TCF12: variants seen among roughly 807,000 people sequenced by gnomAD.
TCF12 encodes the protein DNA-binding protein HTF4.
A neutral mutation model predicts 86.0 loss-of-function variants in TCF12; 45 were observed. The ratio of observed to expected loss-of-function variants is 0.52; its 90% CI spans 0.41 to 0.67. The LOEUF is 0.67. TCF12 is among the 30% of genes least tolerant of loss of function. The pLI, the probability that TCF12 is intolerant of heterozygous loss-of-function variation, is 0.00. For synonymous variants in TCF12, 330 were observed against 299.6 expected (o/e 1.10, Z -1.05); for missense variants, 881 against 859.9 (o/e 1.02, Z -0.31).
chr15:57,026,394 G>A (rs1279578688), intron 3 of TCF12, among the ~76,000 whole-genome samples: 2 of 152,148 alleles, frequency 1.3e-5, no homozygotes, highest in Admixed American at 1.3e-4. Flanking sequence ...TGTCTTGAGA[G>A]GCCTAGTGTC....
intron 8 of TCF12, among the ~76,000 whole-genome samples, chr15:57,220,269 T>TTA (rs1732971455): frequency 6.6e-6 from 1 of 152,190 alleles, no homozygotes; most frequent in African/African-American, 2.4e-5. Flanking sequence ...GTATTGAGAA[T>TTA]TATTTGATGC....
intron 3 of TCF12, among the ~76,000 whole-genome samples, chr15:57,020,533 T>C (rs1185677488): frequency 2.0e-5 from 3 of 152,200 alleles, no homozygotes; most frequent in African/African-American, 7.2e-5. Flanking sequence ...TATATTTTGC[T>C]TCAAACATTA....
intron 3 of TCF12, among the ~76,000 whole-genome samples, chr15:56,974,585 T>G (rs1324441079): frequency 1.3e-5 from 2 of 152,128 alleles, no homozygotes; most frequent in African/African-American, 4.8e-5. Context: ...AGAGATACTG[T>G]GCAAAGTACT....
chr15:57,218,744 CTG>C (rs2058441362), intron 8 of TCF12, among the ~76,000 whole-genome samples: 1 of 152,084 alleles, frequency 6.6e-6, no homozygotes, highest in Admixed American at 6.6e-5. Context: ...AACTGAAAAT[CTG>C]TATTATTAAG....
intron 5 of TCF12, among the ~76,000 whole-genome samples, chr15:57,105,254 A>T (rs2050062783): frequency 6.6e-6 from 1 of 152,166 alleles, no homozygotes; most frequent in Non-Finnish European, 1.5e-5. Context: ...CTTTTATATG[A>T]ATAACCTTAA....
intron 4 of TCF12, among the ~76,000 whole-genome samples, chr15:57,083,165 T>G (rs1567386561): frequency 1.3e-5 from 2 of 152,208 alleles, no homozygotes; most frequent in African/African-American, 2.4e-5. Flanking sequence ...TTTAGGATAG[T>G]GTTTGCTTCT....
At chr15:57,268,887 G>A (rs2060994607) in intron 18 of TCF12, among the ~76,000 whole-genome samples, 1 of 151,196 alleles carries the variant, frequency 6.6e-6, no homozygotes, top group African/African-American at 2.4e-5. Flanking sequence ...TCTGAGAGAC[G>A]TTTTGTTGTG....
intron 5 of TCF12, among the ~76,000 whole-genome samples, chr15:57,097,359 C>G (rs1331604724): frequency 1.3e-5 from 2 of 151,634 alleles, no homozygotes; most frequent in African/African-American, 4.9e-5. Context: ...GAAACCCTGT[C>G]TCTACAAAAA....
At chr15:57,032,585 C>G (rs2066266475) in intron 3 of TCF12, among the ~76,000 whole-genome samples, 2 of 152,118 alleles carry the variant, frequency 1.3e-5, no homozygotes, top group South Asian at 4.1e-4. Flanking sequence ...TATGGGACTA[C>G]AGGCATATGC....
intron 3 of TCF12, among the ~76,000 whole-genome samples, chr15:57,039,337 T>C (rs926452278): frequency 5.9e-5 from 9 of 152,222 alleles, no homozygotes; most frequent in Non-Finnish European, 1.0e-4. Context: ...TCTCCTGCTT[T>C]ACCCTATTTC....
At chr15:56,987,438 C>CAGAAT (rs1227970915) in intron 3 of TCF12, among the ~76,000 whole-genome samples, 1 of 152,064 alleles carries the variant, frequency 6.6e-6, no homozygotes, top group East Asian at 1.9e-4. Flanking sequence ...TTAAATGTTA[C>CAGAAT]TAACAGAATC....
At chr15:57,087,524 A>G (rs575832119) in intron 4 of TCF12, among the ~76,000 whole-genome samples, 1 of 152,126 alleles carries the variant, frequency 6.6e-6, no homozygotes, top group South Asian at 2.1e-4. Context: ...GCAGGGGTTA[A>G]CATTTCTAAG....
At chr15:57,237,991 C>G (rs1481902753) in intron 12 of TCF12, among the ~76,000 whole-genome samples, 2 of 152,102 alleles carry the variant, frequency 1.3e-5, no homozygotes, top group African/African-American at 4.8e-5. Flanking sequence ...AGTCCTGTAA[C>G]TTACAGGGCT....
intron 5 of TCF12, among the ~76,000 whole-genome samples, chr15:57,116,614 T>C (rs1253966641): frequency 1.3e-5 from 2 of 152,160 alleles, no homozygotes; most frequent in Non-Finnish European, 2.9e-5. Flanking sequence ...CCCAAAGTGC[T>C]GGGATTACAG....
intron 3 of TCF12, among the ~76,000 whole-genome samples, chr15:56,954,270 TC>T (rs1353390802): frequency 2.6e-5 from 4 of 152,164 alleles, no homozygotes; most frequent in African/African-American, 9.7e-5. Flanking sequence ...GTGGTTCACA[TC>T]TACAAGGATC....
intron 3 of TCF12, among the ~76,000 whole-genome samples, chr15:56,970,457 G>A (rs2062239486): frequency 7.0e-6 from 1 of 143,068 alleles, no homozygotes; most frequent in South Asian, 2.3e-4. Flanking sequence ...TCCAGCCTGG[G>A]CAACAGAGCG....
Position 57,263,123 on chromosome 15 carries a change from A to T in TCF12, c.1594A>T (p.Ser532Cys). ...TQENYRGGLQ[S>C]QSGTVVTTEI... ...TGCCTCTTTGTTAGGTGGCTTGCAA[A>T]GTCAGTCTGGAACTGTTGTTACAAC... The change falls in exon 18 of 21, where the codon AGT becomes TGT. Residue 532 changes from serine (S) to cysteine (C), a missense_variant. By Grantham distance (112) the Ser-to-Cys change is moderately radical. Around this residue, in one of 3 missense-constraint regions of TCF12, gnomAD observed 766 missense variants for 718.9 expected, o/e 1.07. Transcript: ENST00000333725. The T allele has an allele frequency of 6.3e-7, 1 of 1,595,996 alleles. No individual in the cohort carries two copies. The highest frequency in any genetic ancestry group is 8.5e-7 in the Non-Finnish European group (1 of 1,175,898).
chr15:57,070,993 C>G (rs1229272397), intron 4 of TCF12, among the ~76,000 whole-genome samples: 2 of 152,070 alleles, frequency 1.3e-5, no homozygotes, highest in Non-Finnish European at 2.9e-5. Context: ...CCCTGATCCC[C>G]CAATTTTAAG....
At chr15:57,265,296 G>A (rs1175720175) in intron 18 of TCF12, among the ~76,000 whole-genome samples, 2 of 151,956 alleles carry the variant, frequency 1.3e-5, no homozygotes, top group Non-Finnish European at 2.9e-5. Context: ...CCTCATGTGG[G>A]TTTTCTCTAA....
Sources: gnomAD v4.1 joint callset for allele counts (sites outside exome capture counted in the v4.1 genomes callset) on GRCh38, gnomAD v4.1.1 for gene constraint, gnomAD v4.1.1 regional missense constraint, MANE v1.5 for transcripts, NCBI Gene and HGNC (gene_info 2026-07-23, HGNC 2026-07-21) for gene names.